Variants in TSPAN5 observed in about 807,000 individuals in gnomAD.
TSPAN5 encodes tetraspanin 5, also known as tetraspanin-5.
TSPAN5 carries 10 observed loss-of-function variants against 37.1 expected under a neutral mutation model. That is an observed-to-expected ratio of 0.27 (90% CI 0.17 to 0.46). The LOEUF is 0.46. Among genes scored for constraint, TSPAN5 ranks in the 20% least tolerant of loss-of-function variants. The probability of loss-of-function intolerance (pLI) is 1.00; values close to 1 mark genes in which losing one functional copy is unlikely to be tolerated. For missense variants in TSPAN5, 195 were observed against 326.6 expected (o/e 0.60, Z 3.11); for synonymous variants, 110 against 118.9 (o/e 0.93, Z 0.48).
chr4:98,511,387 G>A (rs1753601087), intron 1 of TSPAN5, among the ~76,000 whole-genome samples: 1 of 152,114 alleles, frequency 6.6e-6, no homozygotes, highest in African/African-American at 2.4e-5. Context: ...TAGGCTATAT[G>A]GTATAGCCTA....
At chr4:98,488,951 A>G (rs1458542831) in intron 2 of TSPAN5, among the ~76,000 whole-genome samples, 1 of 152,208 alleles carries the variant, frequency 6.6e-6, no homozygotes, top group Non-Finnish European at 1.5e-5. Flanking sequence ...TTGTTAGGAA[A>G]CCAGCCTCTC....
intron 1 of TSPAN5, among the ~76,000 whole-genome samples, chr4:98,622,336 C>T (rs1468339787): frequency 6.6e-6 from 1 of 152,262 alleles, no homozygotes; most frequent in Non-Finnish European, 1.5e-5. Flanking sequence ...CTCAGATCCC[C>T]AAAGTGCTGG....
At chr4:98,586,428 G>A (rs1285315559) in intron 1 of TSPAN5, among the ~76,000 whole-genome samples, 1 of 152,090 alleles carries the variant, frequency 6.6e-6, no homozygotes, top group Non-Finnish European at 1.5e-5. Context: ...TTCTGAGCCA[G>A]GGCATGGTTT....
intron 1 of TSPAN5, among the ~76,000 whole-genome samples, chr4:98,531,536 A>G (rs1332673486): frequency 6.6e-6 from 1 of 152,110 alleles, no homozygotes; most frequent in African/African-American, 2.4e-5. Flanking sequence ...ACATACATAC[A>G]TGTGTCTTTA....
At chr4:98,654,613 T>G (rs1236028305) in intron 1 of TSPAN5, among the ~76,000 whole-genome samples, 1 of 152,198 alleles carries the variant, frequency 6.6e-6, no homozygotes, top group Non-Finnish European at 1.5e-5. Flanking sequence ...CAGCCTGTGA[T>G]AACTAATGAG....
chr4:98,601,379 T>C (rs1395169974), intron 1 of TSPAN5, among the ~76,000 whole-genome samples: 1 of 152,264 alleles, frequency 6.6e-6, no homozygotes, highest in African/African-American at 2.4e-5. Flanking sequence ...TTGTTTAGTG[T>C]AGCCACCTTC....
chr4:98,497,008 C>T (rs1394788021), intron 2 of TSPAN5, among the ~76,000 whole-genome samples: 1 of 151,962 alleles, frequency 6.6e-6, no homozygotes, highest in Non-Finnish European at 1.5e-5. Context: ...GGTGGGACCC[C>T]CATGATGGGA....
chr4:98,520,789 C>T (rs949609485), intron 1 of TSPAN5, among the ~76,000 whole-genome samples: 1 of 152,176 alleles, frequency 6.6e-6, no homozygotes, highest in African/African-American at 2.4e-5. Context: ...AGAGATATAA[C>T]GCTGCAGTTA....
Position 98,658,233 on chromosome 4 carries a change from G to A in TSPAN5, c.-7C>T. Reference sequence around the variant, plus strand: ...TGTAGTGCTTCCCGGACATCCTCTGGGTTCATGAAGACACTTGCCCCGGCA... The same window carrying A: ...TGTAGTGCTTCCCGGACATCCTCTGAGTTCATGAAGACACTTGCCCCGGCA... On this transcript the variant is annotated 5_prime_UTR_variant, in exon 1 of 8. Transcript: ENST00000305798. 1 of 1,613,324 alleles carries A rather than the reference G, an allele frequency of 6.2e-7. No individual in the cohort carries two copies. Among genetic ancestry groups the A allele is most frequent in the Non-Finnish European group, 8.5e-7 (1 of 1,179,260 alleles).
At chr4:98,626,880 G>C (rs1298451086) in intron 1 of TSPAN5, among the ~76,000 whole-genome samples, 3 of 142,492 alleles carry the variant, frequency 2.1e-5, no homozygotes, top group Non-Finnish European at 4.5e-5. Context: ...AGCTTCATGA[G>C]AGCAGGTTTT....
intron 1 of TSPAN5, among the ~76,000 whole-genome samples, chr4:98,573,288 C>T (rs2110185192): frequency 6.6e-6 from 1 of 152,284 alleles, no homozygotes; most frequent in South Asian, 2.1e-4. Context: ...TTTATTTTTC[C>T]TCTGTGGTTT....
chr4:98,472,674 T>C, intron 7 of TSPAN5, 87 bp from the exon 8 acceptor site: 1 of 1,178,184 alleles, frequency 8.5e-7, no homozygotes, highest in Admixed American at 1.9e-5. Context: ...AAATCATTGA[T>C]TTTTGAAATT....
intron 1 of TSPAN5, among the ~76,000 whole-genome samples, chr4:98,535,630 C>T (rs1273981035): frequency 6.6e-6 from 1 of 152,168 alleles, no homozygotes; most frequent in East Asian, 1.9e-4. Context: ...AGAGTGTTTT[C>T]CAACTTGGTT....
intron 1 of TSPAN5, among the ~76,000 whole-genome samples, chr4:98,528,048 A>T (rs1466786307): frequency 3.9e-5 from 6 of 152,170 alleles, no homozygotes; most frequent in Non-Finnish European, 8.8e-5. Flanking sequence ...GAATAACCCA[A>T]TTGCCCAACA....
intron 2 of TSPAN5, among the ~76,000 whole-genome samples, chr4:98,506,808 G>A (rs1753486215): frequency 6.6e-6 from 1 of 152,028 alleles, no homozygotes; most frequent in Admixed American, 6.5e-5. Context: ...TAAAGCTTTT[G>A]TGTATAGCCA....
At chr4:98,598,399 G>T (rs1451060603) in intron 1 of TSPAN5, among the ~76,000 whole-genome samples, 1 of 150,772 alleles carries the variant, frequency 6.6e-6, no homozygotes, top group Non-Finnish European at 1.5e-5. Flanking sequence ...CCCGTCTTCT[G>T]CGTCGCTCAC....
At chr4:98,610,243 G>A (rs1210349689) in intron 1 of TSPAN5, among the ~76,000 whole-genome samples, 4 of 152,216 alleles carry the variant, frequency 2.6e-5, no homozygotes, top group African/African-American at 9.6e-5. Flanking sequence ...GGCAGCAAGA[G>A]ATCGAACTCA....
chr4:98,481,098 G>T (rs902145663), intron 4 of TSPAN5, among the ~76,000 whole-genome samples: 3 of 152,100 alleles, frequency 2.0e-5, no homozygotes, highest in African/African-American at 7.2e-5. Flanking sequence ...TCCAAGCTCA[G>T]CCTACCCGAC....
chr4:98,490,680 C>CT (rs1032266981), intron 2 of TSPAN5, among the ~76,000 whole-genome samples: 38 of 152,166 alleles, frequency 2.5e-4, no homozygotes, highest in African/African-American at 7.7e-4. Context: ...TAACTCAAAT[C>CT]TTTTTTTTCC....
Sources: allele counts gnomAD v4.1 joint callset (sites outside exome capture counted in the v4.1 genomes callset), GRCh38; gene constraint gnomAD v4.1.1; transcripts MANE v1.5; gene names NCBI Gene and HGNC (gene_info 2026-07-23, HGNC 2026-07-21).